CRY1: variants seen among roughly 807,000 people sequenced by gnomAD.
CRY1 encodes cryptochrome circadian regulator 1, also known as cryptochrome-1.
A neutral mutation model predicts 76.0 loss-of-function variants in CRY1; 45 were observed. That is an observed-to-expected ratio of 0.59 (90% CI 0.47 to 0.76). The LOEUF is 0.76. CRY1 is among the 30% of genes least tolerant of loss of function. CRY1 has a pLI of 0.00. For synonymous variants in CRY1, 248 were observed against 244.0 expected (o/e 1.02, Z -0.15); for missense variants, 587 against 716.4 (o/e 0.82, Z 2.06).
At chr12:107,067,073 A>C (rs1177813546) in intron 1 of CRY1, among the ~76,000 whole-genome samples, 1 of 152,172 alleles carries the variant, frequency 6.6e-6, no homozygotes, top group African/African-American at 2.4e-5. Context: ...GTCTCTCAAA[A>C]GGACTCAATA....
chr12:107,075,199 A>G (rs1157202926), intron 1 of CRY1, among the ~76,000 whole-genome samples: 3 of 152,198 alleles, frequency 2.0e-5, no homozygotes, highest in Non-Finnish European at 4.4e-5. Flanking sequence ...AATAAGTCCA[A>G]TTCCTATTCC....
chr12:107,063,389 A>G (rs1953071374), intron 1 of CRY1, among the ~76,000 whole-genome samples: 1 of 152,220 alleles, frequency 6.6e-6, no homozygotes, highest in African/African-American at 2.4e-5. Flanking sequence ...ACTGGAACTC[A>G]GGAGAATTAG....
intron 1 of CRY1, among the ~76,000 whole-genome samples, chr12:107,026,515 T>C (rs1399348585): frequency 1.3e-5 from 2 of 152,202 alleles, no homozygotes; most frequent in African/African-American, 4.8e-5. Flanking sequence ...ATTACAGGCA[T>C]GAGCCATCAG....
chr12:107,078,060 T>C (rs1953279719), intron 1 of CRY1, among the ~76,000 whole-genome samples: 1 of 152,220 alleles, frequency 6.6e-6, no homozygotes, highest in African/African-American at 2.4e-5. Context: ...TTAAAACTGA[T>C]TCAAATAAGA....
chr12:107,048,103 T>C (rs1393635247), intron 1 of CRY1, among the ~76,000 whole-genome samples: 5 of 150,856 alleles, frequency 3.3e-5, no homozygotes, highest in African/African-American at 1.2e-4. Context: ...TTTTTTGAGA[T>C]GGACTCTTGC....
chr12:107,065,500 C>G (rs1953098958), intron 1 of CRY1, among the ~76,000 whole-genome samples: 1 of 151,814 alleles, frequency 6.6e-6, no homozygotes, highest in African/African-American at 2.4e-5. Context: ...GAGACTGAGG[C>G]AGGAGAATCA....
intron 2 of CRY1, among the ~76,000 whole-genome samples, chr12:107,018,012 A>G (rs1952515104): frequency 6.6e-6 from 1 of 152,220 alleles, no homozygotes; most frequent in African/African-American, 2.4e-5. Context: ...CACCATGAAG[A>G]CAGAAATTTT....
Position 107,092,815 on chromosome 12 carries a change from G to T in CRY1, c.147C>A (p.Ile49=). The change falls in exon 1 of 13, where the codon ATC becomes ATA. Residue 49 remains isoleucine, a synonymous_variant. Coordinates refer to ENST00000008527, the MANE Select transcript of CRY1 (RefSeq NM_004075.5). ...GGCTTGTGACTCACCGCCACCTGTT[G>T]ATGCCCACATTGGAGGAGCCGGCGA... ...PWFAGSSNVG[I]NRWRFLLQCL... is the part of the protein sequence containing the mutation. 1 of 1,611,668 alleles carries T rather than the reference G, an allele frequency of 6.2e-7. No individual in the cohort carries two copies. Among genetic ancestry groups the T allele is most frequent in the South Asian group, 1.1e-5 (1 of 90,816 alleles).
intron 1 of CRY1, among the ~76,000 whole-genome samples, chr12:107,077,008 C>T (rs1205379527): frequency 6.6e-6 from 1 of 152,174 alleles, no homozygotes; most frequent in Non-Finnish European, 1.5e-5. Context: ...GCCTGCAGAA[C>T]CATGAGCCAA....
At chr12:107,062,033 AAAAAAAAAAAAGAAAAAAAG>A (rs1420221332) in intron 1 of CRY1, among the ~76,000 whole-genome samples, 2 of 150,664 alleles carry the variant, frequency 1.3e-5, no homozygotes, top group South Asian at 2.1e-4. Context: ...CTCAAAAAAA[AAAAAAAAAAAAGAAAAAAAG>A]AAAAAAAAAA....
chr12:106,994,981 C>T (rs1176491081), intron 10 of CRY1, among the ~76,000 whole-genome samples: 1 of 152,224 alleles, frequency 6.6e-6, no homozygotes, highest in Admixed American at 6.5e-5. Flanking sequence ...GGGTGGATCA[C>T]ATTCCAGGAA....
At chr12:107,014,379 G>A (rs10746073) in intron 2 of CRY1, among the ~76,000 whole-genome samples, 1 of 151,870 alleles carries the variant, frequency 6.6e-6, no homozygotes, top group Non-Finnish European at 1.5e-5. Flanking sequence ...CTGATCCTCC[G>A]GCATACTCAT....
chr12:107,016,108 G>A (rs915188831), intron 2 of CRY1, among the ~76,000 whole-genome samples: 3 of 152,046 alleles, frequency 2.0e-5, no homozygotes, highest in African/African-American at 7.2e-5. Context: ...TCAGGACTTC[G>A]AGACCAGGCT....
chr12:107,061,430 A>G (rs1324591543), intron 1 of CRY1, among the ~76,000 whole-genome samples: 1 of 151,280 alleles, frequency 6.6e-6, no homozygotes, highest in Non-Finnish European at 1.5e-5. Flanking sequence ...TAGAGTACAG[A>G]GTTCAGTGGC....
chr12:107,008,794 G>A (rs1207637810), intron 2 of CRY1, among the ~76,000 whole-genome samples: 7 of 152,172 alleles, frequency 4.6e-5, no homozygotes, highest in Non-Finnish European at 7.3e-5. Context: ...GGTTTCGCCC[G>A]TGCTGTTCTC....
chr12:107,007,505 A>G (rs1000863852), intron 2 of CRY1, among the ~76,000 whole-genome samples: 31 of 152,062 alleles, frequency 2.0e-4, no homozygotes, highest in Admixed American at 1.7e-3. Context: ...CAAGCCCTCA[A>G]TGAATGACAG....
chr12:107,036,119 A>G, intron 1 of CRY1, among the ~76,000 whole-genome samples: 1 of 152,190 alleles, frequency 6.6e-6, no homozygotes, highest in East Asian at 1.9e-4. Flanking sequence ...AGAACTGGGA[A>G]ACATACAGGG....
chr12:107,053,009 T>C (rs765470431), intron 1 of CRY1, among the ~76,000 whole-genome samples: 3 of 152,170 alleles, frequency 2.0e-5, no homozygotes, highest in Non-Finnish European at 4.4e-5. Flanking sequence ...TATTCGGTAG[T>C]TAATGTGGAA....
chr12:107,012,063 G>A (rs1380866829), intron 2 of CRY1, among the ~76,000 whole-genome samples: 2 of 152,130 alleles, frequency 1.3e-5, no homozygotes, highest in African/African-American at 4.8e-5. Flanking sequence ...GGTGGTGCAC[G>A]CCTGCAGTCC....
Sources: allele counts gnomAD v4.1 joint callset (sites outside exome capture counted in the v4.1 genomes callset), GRCh38; gene constraint gnomAD v4.1.1; transcripts MANE v1.5; gene names NCBI Gene and HGNC (gene_info 2026-07-23, HGNC 2026-07-21).